The following PLCG2 variants were observed in gnomAD, a reference collection of about 807,000 sequenced individuals.
The protein encoded by PLCG2 is phospholipase C gamma 2.
Under a neutral mutation model 175.6 loss-of-function variants are expected in PLCG2, and 69 were observed. The observed-to-expected ratio is 0.39, with a 90% CI of 0.32 to 0.48. The LOEUF is 0.48. Among genes scored for constraint, PLCG2 ranks in the 20% least tolerant of loss-of-function variants. PLCG2 has a pLI of 0.91. For synonymous variants in PLCG2, 827 were observed against 624.0 expected, an observed-to-expected ratio of 1.33 and a Z score of -4.85; for missense variants, 1,798 against 1,650.9, an observed-to-expected ratio of 1.09 and a Z score of -1.54.
At chr16:81,803,153 C>G (rs1012608537) in intron 2 of PLCG2, among the ~76,000 whole-genome samples, 1 of 135,970 alleles carries the variant, frequency 7.4e-6, no homozygotes, top group African/African-American at 2.7e-5. Context: ...GAATCTCACT[C>G]TGTCGCCCAG....
At chr16:81,838,260 T>C (rs1349936196) in intron 2 of PLCG2, among the ~76,000 whole-genome samples, 1 of 152,108 alleles carries the variant, frequency 6.6e-6, no homozygotes, top group African/African-American at 2.4e-5. Context: ...CTAATGTTTA[T>C]ATTTTTAGTA....
intron 25 of PLCG2, 118 bp from the exon 26 acceptor site, chr16:81,934,311 T>C (rs1363771030): frequency 6.1e-6 from 4 of 655,294 alleles, no homozygotes; most frequent in East Asian, 5.4e-5. Context: ...CATTCAACCA[T>C]ATTAAAGATC....
upstream of PLCG2, among the ~76,000 whole-genome samples, chr16:81,776,120 G>T (rs55784300): frequency 1.2e-4 from 12 of 97,914 alleles, no homozygotes; most frequent in Admixed American, 3.4e-4. Context: ...TTTCTTTTTT[G>T]TTTTTTTTGA....
At chr16:81,887,090 C>G (rs1447296674) in intron 9 of PLCG2, among the ~76,000 whole-genome samples, 2 of 150,580 alleles carry the variant, frequency 1.3e-5, no homozygotes, top group East Asian at 3.9e-4. Context: ...CCTCCAGCCT[C>G]TTTGGGACAT....
In PLCG2 at chr16:81,960,768, C is replaced by T. The variant is rs567940520; in HGVS notation, c.*2770C>T. 7.0e-5 allele frequency: 16 copies of T among 228,958 alleles called. No homozygotes were observed. The highest frequency in any genetic ancestry group is 1.0e-4 in the Non-Finnish European group (12 of 115,452). 14.2% of individuals were successfully genotyped at this position (228,958 alleles called of 1,614,324 possible). A position where few individuals can be genotyped will look rare whatever the true frequency, so the allele number is the denominator to read the frequency against. ...ACCTAGTTAAAATCTAAACTTAAGT[C>T]GCCATGGCCAGTGGCCTTTAGATTA... On this transcript the variant is annotated 3_prime_UTR_variant, in exon 33 of 33. Coordinates refer to ENST00000564138, the MANE Select transcript of PLCG2 (RefSeq NM_002661.5).
chr16:81,744,987 T>G (rs1020796003), intron 1 of PLCG2, among the ~76,000 whole-genome samples: 24 of 152,238 alleles, frequency 1.6e-4, no homozygotes, highest in Non-Finnish European at 2.8e-4. Context: ...GTGTCTCATC[T>G]TAACTCCAAC....
chr16:81,868,494 G>C (rs1182132931), intron 5 of PLCG2, among the ~76,000 whole-genome samples: 1 of 152,148 alleles, frequency 6.6e-6, no homozygotes, highest in Non-Finnish European at 1.5e-5. Context: ...TGCCAAGCCC[G>C]TCCTGTGGTT....
chr16:81,749,827 T>A (rs1306998050), intron 1 of PLCG2, among the ~76,000 whole-genome samples: 1 of 152,172 alleles, frequency 6.6e-6, no homozygotes, highest in Admixed American at 6.5e-5. Context: ...AGGATACATG[T>A]CCAAAGATGC....
chr16:81,910,701 A>C lies in PLCG2; in HGVS notation c.1915A>C (p.Asn639His). Reference protein sequence around the residue: ...LRLTDPVPNPNPHESKPWYYD... With the variant: ...LRLTDPVPNPHPHESKPWYYD... ...GCTCACGGACCCTGTGCCCAACCCC[A>C]ACCCCCACGAGTCCAAGCCGTACGT... is the stretch of plus-strand genomic sequence containing the variant. Residue 639 changes from asparagine to histidine, a missense_variant, in exon 18 of 33, where the codon AAC (asparagine) becomes CAC (histidine). Transcript: ENST00000564138. 1 of 1,610,156 alleles carries C rather than the reference A, an allele frequency of 6.2e-7. No homozygotes were observed. The highest frequency in any genetic ancestry group is 8.5e-7 in the Non-Finnish European group (1 of 1,179,906).
At chr16:81,772,294 C>T (rs1344932658) in intron 2 of PLCG2, among the ~76,000 whole-genome samples, 1 of 152,162 alleles carries the variant, frequency 6.6e-6, no homozygotes, top group African/African-American at 2.4e-5. Context: ...CCACCAACCA[C>T]AGAACCCGGG....
chr16:81,814,238 A>G (rs1240221206), intron 2 of PLCG2, among the ~76,000 whole-genome samples: 1 of 152,124 alleles, frequency 6.6e-6, no homozygotes, highest in Non-Finnish European at 1.5e-5. Context: ...TTTTCTGGTT[A>G]TTTCACTGTT....
intron 30 of PLCG2, among the ~76,000 whole-genome samples, chr16:81,944,494 C>T (rs924894287): frequency 6.6e-5 from 10 of 152,184 alleles, no homozygotes; most frequent in African/African-American, 2.4e-4. Flanking sequence ...CAAGGTCTTC[C>T]CTCTGTCACT....
chr16:81,889,215 C>G lies in PLCG2; in HGVS notation c.809C>G (p.Thr270Arg). ...CTGAACAAAGTCCGTGAGCGGATGACAAAGTTCATTGATGACACCATGCGT... is the reference window on the plus strand; with the variant it reads ...CTGAACAAAGTCCGTGAGCGGATGAGAAAGTTCATTGATGACACCATGCGT... ...QDLNKVRERM[T>R]KFIDDTMRET... The change falls in exon 10 of 33, where the codon ACA becomes AGA. Residue 270 changes from threonine (T) to arginine (R), a missense_variant. Physicochemically the swap from Thr to Arg is moderately conservative, Grantham distance 71 (BLOSUM62 -1). Coordinates refer to ENST00000564138, the MANE Select transcript of PLCG2 (RefSeq NM_002661.5). 1 of 1,606,516 alleles carries G rather than the reference C, an allele frequency of 6.2e-7. No homozygotes were observed. The highest frequency in any genetic ancestry group is 8.5e-7 in the Non-Finnish European group (1 of 1,176,650).
At chr16:81,780,572 C>G (rs1281778626) in intron 1 of PLCG2, among the ~76,000 whole-genome samples, 2 of 152,182 alleles carry the variant, frequency 1.3e-5, no homozygotes, top group African/African-American at 4.8e-5. Context: ...CATTGTGAGC[C>G]TCACTGATGT....
chr16:81,927,591 T>C (rs1279590961), intron 23 of PLCG2, among the ~76,000 whole-genome samples: 1 of 152,100 alleles, frequency 6.6e-6, no homozygotes, highest in Non-Finnish European at 1.5e-5. Flanking sequence ...CCTGGTGACT[T>C]TGCAAACCTG....
At chr16:81,745,604 T>C (rs1909688695) in intron 1 of PLCG2, among the ~76,000 whole-genome samples, 1 of 152,222 alleles carries the variant, frequency 6.6e-6, no homozygotes, top group South Asian at 2.1e-4. Flanking sequence ...AGTTGGCTCC[T>C]GGGGATACAG....
At chr16:81,835,255 T>C (rs79667821) in intron 2 of PLCG2, among the ~76,000 whole-genome samples, 9,028 of 152,266 alleles carry the variant, frequency 0.059, 357 homozygotes, top group Non-Finnish European at 0.085. Flanking sequence ...AAGCAGTTAA[T>C]ATACTACCTT....
intron 10 of PLCG2, chr16:81,889,537 A>C (rs1470928021): frequency 9.7e-6 from 3 of 310,508 alleles, no homozygotes; most frequent in Non-Finnish European, 1.2e-5. Flanking sequence ...GAATTGCAAT[A>C]GGGAAAGAGC....
At chr16:81,778,991 G>T (rs1342218885), upstream of PLCG2, among the ~76,000 whole-genome samples, 5 of 152,090 alleles carry the variant, frequency 3.3e-5, no homozygotes, top group Non-Finnish European at 7.4e-5. Flanking sequence ...GCAAACACCT[G>T]GACTGCGGCC....
Sources: gnomAD v4.1 joint callset for allele counts (sites outside exome capture counted in the v4.1 genomes callset) on GRCh38, gnomAD v4.1.1 for gene constraint, MANE v1.5 for transcripts, NCBI Gene and HGNC (gene_info 2026-07-23, HGNC 2026-07-21) for gene names.